IL1R1: variants seen among roughly 807,000 people sequenced by gnomAD.
The protein encoded by IL1R1 is interleukin-1 receptor type 1.
Under a neutral mutation model 50.2 loss-of-function variants are expected in IL1R1, and 22 were observed. The observed-to-expected ratio is 0.44, with a 90% CI of 0.31 to 0.63. IL1R1 has a LOEUF of 0.63. IL1R1 is among the 20% of genes least tolerant of loss of function. The pLI is 0.07. For synonymous variants in IL1R1, 251 were observed against 236.7 expected, an observed-to-expected ratio of 1.06 and a Z score of -0.55; for missense variants, 509 against 676.2, an observed-to-expected ratio of 0.75 and a Z score of 2.74.
intron 3 of IL1R1, among the ~76,000 whole-genome samples, chr2:102,158,228 A>T (rs1377082554): frequency 6.6e-6 from 1 of 152,154 alleles, no homozygotes; most frequent in African/African-American, 2.4e-5. Context: ...ATTTTCTCTA[A>T]TCTTTTCTCT....
intron 1 of IL1R1, among the ~76,000 whole-genome samples, chr2:102,112,404 A>G (rs920556250): frequency 7.2e-5 from 11 of 151,762 alleles, no homozygotes; most frequent in East Asian, 3.9e-4. Context: ...CCCTGAGGTG[A>G]TACTAATGGA....
chr2:102,154,956 G>A (rs1197044272), intron 2 of IL1R1, among the ~76,000 whole-genome samples: 1 of 152,080 alleles, frequency 6.6e-6, no homozygotes, highest in Non-Finnish European at 1.5e-5. Context: ...CTCCTGCCCT[G>A]GGCATGGCTC....
intron 1 of IL1R1, among the ~76,000 whole-genome samples, chr2:102,115,303 C>T (rs1681008344): frequency 6.6e-6 from 1 of 152,166 alleles, no homozygotes; most frequent in Non-Finnish European, 1.5e-5. Context: ...ATTGCCAAAT[C>T]CTGCCTGGTG....
intron 1 of IL1R1, among the ~76,000 whole-genome samples, chr2:102,108,708 C>T (rs1435889684): frequency 1.3e-5 from 2 of 151,950 alleles, no homozygotes; most frequent in African/African-American, 2.4e-5. Context: ...GGGTGAGTCT[C>T]AGTTTCTATT....
chr2:102,163,505 C>G (rs927230375), intron 3 of IL1R1, among the ~76,000 whole-genome samples: 1 of 152,046 alleles, frequency 6.6e-6, no homozygotes, highest in Non-Finnish European at 1.5e-5. Flanking sequence ...TGCCGTGAAT[C>G]CCATCCATTG....
chr2:102,102,695 G>GA (rs58701560), upstream of IL1R1, among the ~76,000 whole-genome samples: 129,264 of 152,072 alleles, frequency 0.85, 55,230 homozygotes, highest in East Asian at 0.96. Context: ...TCTACCATAA[G>GA]ACATGATGTT....
intron 1 of IL1R1, among the ~76,000 whole-genome samples, chr2:102,081,210 G>A (rs1679192436): frequency 6.6e-6 from 1 of 152,148 alleles, no homozygotes; most frequent in South Asian, 2.1e-4. Flanking sequence ...ATTTTATGCT[G>A]TGTGAATGAC....
chr2:102,112,583 A>G (rs892120270), intron 1 of IL1R1, among the ~76,000 whole-genome samples: 1 of 152,172 alleles, frequency 6.6e-6, no homozygotes. Context: ...AATTGCCCCA[A>G]TCAGGTGTAA....
At chr2:102,084,541 T>C (rs1170771668) in intron 1 of IL1R1, among the ~76,000 whole-genome samples, 2 of 152,202 alleles carry the variant, frequency 1.3e-5, no homozygotes, top group African/African-American at 4.8e-5. Flanking sequence ...TGAAGTATAA[T>C]GCATACACAG....
Position 102,175,564 on chromosome 2 carries a change from T to C in IL1R1, c.1222T>C (p.Phe408Leu). Residue 408 changes from phenylalanine to leucine, a missense_variant, in exon 11 of 12, where the codon TTT becomes CTT. Transcript: ENST00000410023. Reference protein sequence around the residue: ...GSTSDCDIFVFKVLPEVLEKQ... With the variant: ...GSTSDCDIFVLKVLPEVLEKQ... ...TACCTCTGACTGTGATATTTTTGTG[T>C]TTAAAGTCTTGCCTGAGGTCTTGGA... The C allele has an allele frequency of 6.2e-7, 1 of 1,613,924 alleles. No individual in the cohort carries two copies. The highest frequency in any genetic ancestry group is 1.7e-5 in the Admixed American group (1 of 60,022).
intron 1 of IL1R1, among the ~76,000 whole-genome samples, chr2:102,074,003 C>T (rs971335601): frequency 1.3e-5 from 2 of 152,098 alleles, no homozygotes; most frequent in African/African-American, 4.8e-5. Flanking sequence ...GGAGCTCTGC[C>T]CCAGTAGTGC....
chr2:102,111,568 G>A (rs1680765535), intron 1 of IL1R1, among the ~76,000 whole-genome samples: 1 of 152,172 alleles, frequency 6.6e-6, no homozygotes, highest in Non-Finnish European at 1.5e-5. Context: ...AGGTGCTGGG[G>A]ATGATGAGAG....
At chr2:102,170,482 A>G (rs1685575928) in intron 7 of IL1R1, among the ~76,000 whole-genome samples, 1 of 152,230 alleles carries the variant, frequency 6.6e-6, no homozygotes, top group Non-Finnish European at 1.5e-5. Context: ...TTTCCTGATC[A>G]TACCAATCCC....
chr2:102,167,095 T>C (rs1685243888), intron 6 of IL1R1, among the ~76,000 whole-genome samples: 1 of 152,204 alleles, frequency 6.6e-6, no homozygotes, highest in South Asian at 2.1e-4. Flanking sequence ...TTGCAGGTTA[T>C]AGGGGTGACT....
At chr2:102,174,020 G>A (rs1183418977) in intron 9 of IL1R1, among the ~76,000 whole-genome samples, 1 of 152,062 alleles carries the variant, frequency 6.6e-6, no homozygotes, top group Non-Finnish European at 1.5e-5. Context: ...TCCCTTTTCT[G>A]GATGCTTTTA....
chr2:102,154,920 C>T (rs935655220), intron 2 of IL1R1, among the ~76,000 whole-genome samples: 1 of 152,176 alleles, frequency 6.6e-6, no homozygotes, highest in African/African-American at 2.4e-5. Context: ...TCCACCTCCT[C>T]CAGGCTGAGT....
At chr2:102,107,131 A>C (rs535742380) in intron 1 of IL1R1, among the ~76,000 whole-genome samples, 1 of 152,318 alleles carries the variant, frequency 6.6e-6, no homozygotes, top group East Asian at 1.9e-4. Flanking sequence ...AACATTTTCC[A>C]ACTCTCTCAT....
chr2:102,100,898 C>A (rs535612193), upstream of IL1R1, among the ~76,000 whole-genome samples: 1 of 152,172 alleles, frequency 6.6e-6, no homozygotes, highest in Non-Finnish European at 1.5e-5. Flanking sequence ...TGTATCATTG[C>A]CTGGAATAGG....
chr2:102,101,595 G>A (rs1219801011), upstream of IL1R1, among the ~76,000 whole-genome samples: 7 of 152,150 alleles, frequency 4.6e-5, no homozygotes, highest in Admixed American at 4.6e-4. Context: ...GAAACACATG[G>A]ATTACAGCCA....
Sources: allele counts gnomAD v4.1 joint callset (sites outside exome capture counted in the v4.1 genomes callset), GRCh38; gene constraint gnomAD v4.1.1; transcripts MANE v1.5; gene names NCBI Gene and HGNC (gene_info 2026-07-23, HGNC 2026-07-21).